Variants in UBE2L3 observed in about 807,000 individuals in gnomAD.
UBE2L3 encodes the protein ubiquitin conjugating enzyme E2 L3.
A neutral mutation model predicts 17.8 loss-of-function variants in UBE2L3; 1 was observed. The observed-to-expected ratio is 0.06, with a 90% CI of 0.02 to 0.27. UBE2L3 has a LOEUF of 0.27. Ranked by LOEUF, UBE2L3 falls within the 10% of genes least tolerant of loss-of-function variation. The pLI, the probability that UBE2L3 is intolerant of heterozygous loss-of-function variation, is 1.00. For missense variants in UBE2L3, 40 were observed against 192.6 expected, an observed-to-expected ratio of 0.21 and a Z score of 4.69; for synonymous variants, 44 against 68.5, an observed-to-expected ratio of 0.64 and a Z score of 1.76.
chr22:21,597,057 CA>C (rs1928568796), intron 2 of UBE2L3, among the ~76,000 whole-genome samples: 1 of 152,120 alleles, frequency 6.6e-6, no homozygotes, highest in Non-Finnish European at 1.5e-5. Flanking sequence ...CGTCTCACTG[CA>C]ACCTCTGCCT....
chr22:21,610,171 C>CTT (rs1929405211), intron 2 of UBE2L3, among the ~76,000 whole-genome samples: 1 of 152,108 alleles, frequency 6.6e-6, no homozygotes, highest in South Asian at 2.1e-4. Context: ...TTCACTGTGT[C>CTT]TTTATATGAT....
intron 1 of UBE2L3, among the ~76,000 whole-genome samples, chr22:21,556,313 T>C (rs1926222827): frequency 6.6e-6 from 1 of 152,208 alleles, no homozygotes; most frequent in East Asian, 1.9e-4. Flanking sequence ...GAGAATAGTT[T>C]GAGCCCAAGA....
chr22:21,619,785 G>A (rs773382352), intron 3 of UBE2L3, among the ~76,000 whole-genome samples: 2 of 152,154 alleles, frequency 1.3e-5, no homozygotes, highest in Admixed American at 6.5e-5. Context: ...GCCGTCTCCC[G>A]GGTTCAAGCG....
chr22:21,621,494 G>T (rs766987281), intron 3 of UBE2L3, 21 bp from the exon 4 acceptor site: 2 of 1,596,830 alleles, frequency 1.3e-6, no homozygotes, highest in South Asian at 2.2e-5. Context: ...AACCCCCCAT[G>T]CCTTGTCCTT....
At chr22:21,587,868 C>T (rs1389080435) in intron 1 of UBE2L3, among the ~76,000 whole-genome samples, 1 of 152,188 alleles carries the variant, frequency 6.6e-6, no homozygotes, top group Non-Finnish European at 1.5e-5. Context: ...TTTCCATTTT[C>T]AGGAGCTGGG....
intron 2 of UBE2L3, among the ~76,000 whole-genome samples, chr22:21,603,652 G>GT (rs1928985777): frequency 6.6e-6 from 1 of 151,542 alleles, no homozygotes; most frequent in South Asian, 2.1e-4. Context: ...AACCATCCTG[G>GT]TTAACACGGT....
chr22:21,573,938 G>C lies in UBE2L3; in HGVS notation c.27+6167G>C, dbSNP rs1024690707. 2.6e-5 allele frequency among the ~76,000 whole-genome samples: 4 copies of C among 152,228 alleles called. No individual in the cohort carries two copies. In the South Asian group the frequency reaches 6.2e-4, roughly 24 times the overall value. ...CTGCCAGGCCAGCCTTGGAGGGTGA[G>C]CTACCTCTCTATAGAGGGGTCACTG... On this transcript the variant is annotated intron_variant, in intron 1 of 3. Coordinates refer to ENST00000342192, the MANE Select transcript of UBE2L3 (RefSeq NM_003347.4).
At chr22:21,617,867 C>G (rs942159250) in intron 3 of UBE2L3, among the ~76,000 whole-genome samples, 2 of 152,138 alleles carry the variant, frequency 1.3e-5, no homozygotes, top group African/African-American at 4.8e-5. Context: ...CTTATCAGAA[C>G]TACTAAGTAA....
At chr22:21,592,011 A>C (rs188598815) in intron 1 of UBE2L3, among the ~76,000 whole-genome samples, 3 of 152,286 alleles carry the variant, frequency 2.0e-5, no homozygotes, top group Non-Finnish European at 4.4e-5. Context: ...AGGCAATGGG[A>C]AATGTCAGGC....
intron 1 of UBE2L3, among the ~76,000 whole-genome samples, chr22:21,571,645 G>GC (rs1266142138): frequency 6.6e-6 from 1 of 152,164 alleles, no homozygotes; most frequent in Non-Finnish European, 1.5e-5. Flanking sequence ...CAGGTGATCT[G>GC]CCCGCCGAGG....
rs566587727 is a variant in UBE2L3 at position 21,598,481 on chromosome 22, T to C, written c.123+5525T>C. 1.2e-3 allele frequency among the ~76,000 whole-genome samples: 189 copies of C among 151,862 alleles called. 1 individual carries two copies. Among genetic ancestry groups the C allele is most frequent in the African/African-American group, 4.5e-3 (185 of 41,492 alleles). The stretch of plus-strand genomic sequence containing the variant: ...AGAGTACGTTTAATTTCCCCATAAT[T>C]GTGAGTTTTCTAGTTCTGTTATTGA... On this transcript the variant is annotated intron_variant, in intron 2 of 3. Coordinates refer to ENST00000342192, the MANE Select transcript of UBE2L3 (RefSeq NM_003347.4).
intron 1 of UBE2L3, among the ~76,000 whole-genome samples, chr22:21,568,758 C>G (rs965049533): frequency 6.6e-6 from 1 of 152,018 alleles, no homozygotes; most frequent in Non-Finnish European, 1.5e-5. Flanking sequence ...GGCCCAGGAG[C>G]CAGTTTCCTG....
chr22:21,554,599 A>C (rs942498946), intron 1 of UBE2L3, among the ~76,000 whole-genome samples: 6 of 113,846 alleles, frequency 5.3e-5, no homozygotes, highest in Admixed American at 3.3e-4. Flanking sequence ...GATCTTGGGG[A>C]GAGCAGAAGC....
intron 2 of UBE2L3, among the ~76,000 whole-genome samples, chr22:21,605,739 C>A (rs759946057): frequency 7.9e-5 from 12 of 152,216 alleles, no homozygotes; most frequent in Non-Finnish European, 1.5e-5. Context: ...CTCCTGGCCT[C>A]AAGTGATCTG....
intron 1 of UBE2L3, among the ~76,000 whole-genome samples, chr22:21,560,444 C>CT (rs1926391639): frequency 2.2e-5 from 3 of 135,166 alleles, no homozygotes; most frequent in African/African-American, 5.8e-5. Flanking sequence ...CCCTTTAGAT[C>CT]TATTTTTTTT....
intron 1 of UBE2L3, among the ~76,000 whole-genome samples, chr22:21,570,052 T>C (rs1926873196): frequency 6.6e-6 from 1 of 152,196 alleles, no homozygotes. Flanking sequence ...TGCTCCCACA[T>C]CCCCCTTCAG....
chr22:21,603,302 C>A (rs111277596), intron 2 of UBE2L3, among the ~76,000 whole-genome samples: 1 of 151,800 alleles, frequency 6.6e-6, no homozygotes, highest in Non-Finnish European at 1.5e-5. Context: ...CCGAGGCAGG[C>A]GGATCACCTG....
At chr22:21,557,923 G>A (rs1395166676) in intron 1 of UBE2L3, among the ~76,000 whole-genome samples, 3 of 151,334 alleles carry the variant, frequency 2.0e-5, no homozygotes, top group Non-Finnish European at 2.9e-5. Flanking sequence ...CTGGGTTAGA[G>A]GACCTCTTGC....
At chr22:21,598,970 G>C (rs1399185599) in intron 2 of UBE2L3, among the ~76,000 whole-genome samples, 1 of 151,858 alleles carries the variant, frequency 6.6e-6, no homozygotes, top group East Asian at 1.9e-4. Context: ...CTCCCTGGCA[G>C]CTGGGGCTAC....
Sources: gnomAD v4.1 joint callset for allele counts (sites outside exome capture counted in the v4.1 genomes callset) on GRCh38, gnomAD v4.1.1 for gene constraint, MANE v1.5 for transcripts, NCBI Gene and HGNC (gene_info 2026-07-23, HGNC 2026-07-21) for gene names.